Variants in POLR1E observed in about 807,000 individuals in gnomAD.
The protein encoded by POLR1E is DNA-directed RNA polymerase I subunit RPA49.
In POLR1E, 37 loss-of-function variants were observed where a neutral mutation model predicts 50.9. The observed-to-expected ratio is 0.73, with a 90% CI of 0.56 to 0.96. POLR1E has a LOEUF of 0.96. Ranked by LOEUF, POLR1E falls within the 40% of genes least tolerant of loss-of-function variation. POLR1E has a pLI of 0.00. For synonymous variants in POLR1E, 166 were observed against 191.6 expected (o/e 0.87, Z 1.10); for missense variants, 426 against 518.1 (o/e 0.82, Z 1.73).
intron 8 of POLR1E, among the ~76,000 whole-genome samples, chr9:37,497,391 C>G (rs1205037868): frequency 1.3e-5 from 2 of 152,050 alleles, no homozygotes; most frequent in Non-Finnish European, 2.9e-5. Context: ...AGAAACTTGC[C>G]TAAACCATTA....
chr9:37,501,656 G>C (rs1820889742), intron 10 of POLR1E, 57 bp from the exon 11 acceptor site: 1 of 1,574,264 alleles, frequency 6.4e-7, no homozygotes. Flanking sequence ...TTTTGCTTTT[G>C]GAGAAATTGT....
At chr9:37,494,474 A>G (rs148343487) in intron 6 of POLR1E, among the ~76,000 whole-genome samples, 11 of 152,314 alleles carry the variant, frequency 7.2e-5, no homozygotes, top group Non-Finnish European at 1.2e-4. Flanking sequence ...GTCTTGCTCT[A>G]TCACCCAGAC....
rs116315147 is a variant in POLR1E at position 37,490,556 on chromosome 9, C to G, written c.343+1156C>G. On this transcript the variant is annotated intron_variant, in intron 4 of 11. Coordinates refer to ENST00000377798, the MANE Select transcript of POLR1E (RefSeq NM_022490.4). The stretch of plus-strand genomic sequence containing the variant: ...AGGTACCTTTCTCTTTTGCTTCTGT[C>G]TTTTTCTAATCATCTTTCTTCACCC... 1.4e-3 allele frequency: 1,026 copies of G among 733,584 alleles called. 9 individuals carry two copies. In the African/African-American group the frequency reaches 0.016, roughly 11 times the overall value. 45.4% of individuals were successfully genotyped at this position (733,584 alleles called of 1,614,324 possible).
At chr9:37,489,023 G>A (rs777082659) in intron 3 of POLR1E, among the ~76,000 whole-genome samples, 2 of 152,136 alleles carry the variant, frequency 1.3e-5, no homozygotes, top group Non-Finnish European at 2.9e-5. Flanking sequence ...CAGATCACCT[G>A]AGGTCAGGAG....
chr9:37,493,449 G>A, intron 5 of POLR1E, 110 bp from the exon 6 acceptor site: 1 of 956,500 alleles, frequency 1.0e-6, no homozygotes, highest in Non-Finnish European at 1.5e-6. Context: ...TTATTCACAG[G>A]TGAGGTAGTG....
intron 10 of POLR1E, 65 bp downstream of exon 10, chr9:37,500,986 A>G: frequency 7.0e-7 from 1 of 1,428,736 alleles, no homozygotes; most frequent in Non-Finnish European, 9.8e-7. Context: ...GGGAGTGAGG[A>G]GCAGGGGCTT....
At chr9:37,486,147 G>T (rs1458118204) in intron 1 of POLR1E, 24 bp downstream of exon 1, 1 of 1,575,146 alleles carries the variant, frequency 6.3e-7, no homozygotes. Context: ...AGCTGGAGCA[G>T]TGCTCCTCTA....
chr9:37,501,612 T>G lies in POLR1E; in HGVS notation c.969-101T>G, dbSNP rs918924129. ...TCCTTTCCTGAAGTTGGGAAGACAT[T>G]CCGTGCATATGAGAATAGGATTGGA... On this transcript the variant is annotated intron_variant, in intron 10 of 11. Coordinates refer to ENST00000377798, the MANE Select transcript of POLR1E (RefSeq NM_022490.4). 2.9e-6 allele frequency: 4 copies of G among 1,394,488 alleles called. No individual in the cohort carries two copies. The African/African-American group carries it at 5.8e-5, about 20-fold the overall frequency. The allele number at this position is 1,394,488 out of a possible 1,614,324, so 86.4% of individuals were successfully genotyped here.
chr9:37,487,335 AGAATGCCTTCCTTGGT>A (rs1820594760), intron 2 of POLR1E, among the ~76,000 whole-genome samples: 2 of 152,236 alleles, frequency 1.3e-5, no homozygotes, highest in Admixed American at 1.3e-4. Flanking sequence ...GGTCTCTGCC[AGAATGCCTTCCTTGGT>A]GAGGTCATGT....
intron 4 of POLR1E, chr9:37,490,580 C>A (rs7045332): frequency 2.1e-5 from 15 of 710,138 alleles, no homozygotes; most frequent in South Asian, 2.0e-4. Flanking sequence ...CTTTCTTCAC[C>A]CGTTTCATGA....
Position 37,500,867 on chromosome 9 carries a change from T to A in POLR1E, c.914T>A (p.Ile305Asn). The change falls in exon 10 of 12, where the codon ATC becomes AAC. Residue 305 changes from isoleucine (I) to asparagine (N), a missense_variant. By Grantham distance (149) the Ile-to-Asn change is moderately radical. Transcript: ENST00000377798. ...GCTCTGGGACCTGGAGTTCCCCACATCATCAACACCAAACTGCTGAAGCAC... is the reference window on the plus strand; with the variant it reads ...GCTCTGGGACCTGGAGTTCCCCACAACATCAACACCAAACTGCTGAAGCAC... The part of the protein sequence containing the change: ...KSALGPGVPH[I>N]INTKLLKHFT... 1 of 1,613,966 alleles carries A rather than the reference T, an allele frequency of 6.2e-7. No individual in the cohort carries two copies. The highest frequency in any genetic ancestry group is 8.5e-7 in the Non-Finnish European group (1 of 1,179,852).
At chr9:37,487,973 A>G in intron 3 of POLR1E, 34 bp downstream of exon 3, 1 of 1,606,738 alleles carries the variant, frequency 6.2e-7, no homozygotes, top group Non-Finnish European at 8.5e-7. Context: ...GGGAAGGGTG[A>G]TGGGGTTGGG....
intron 4 of POLR1E, among the ~76,000 whole-genome samples, chr9:37,491,783 A>G (rs1403668866): frequency 1.3e-5 from 2 of 152,190 alleles, no homozygotes; most frequent in Non-Finnish European, 2.9e-5. Flanking sequence ...ACGTAATTTT[A>G]AAGGTCTCTT....
chr9:37,498,270 AT>A, intron 9 of POLR1E, 46 bp downstream of exon 9: 5 of 1,567,098 alleles, frequency 3.2e-6, no homozygotes, highest in Non-Finnish European at 4.4e-6. Flanking sequence ...CCAGTATATT[AT>A]TTGTCTGTAA....
rs1820931055 is a variant in POLR1E at position 37,503,434 on chromosome 9, C to T, written c.*232C>T. On this transcript the variant is annotated 3_prime_UTR_variant, in exon 12 of 12. Transcript: ENST00000377798. ...TCTACCGGAGGAAAAAAAAAAGAGT[C>T]AGGCCTGGTGGTGTGCGCCTGTAAT... 2.6e-6 allele frequency: 1 copy of T among 383,266 alleles called. No individual in the cohort carries two copies. The highest frequency in any genetic ancestry group is 4.6e-5 in the East Asian group (1 of 21,828). The allele number at this position is 383,266 out of a possible 1,614,324, so 23.7% of individuals were successfully genotyped here.
In POLR1E at chr9:37,496,146, G is replaced by A. The variant is rs116286633; in HGVS notation, c.752+160G>A. Among the ~76,000 whole-genome samples, 872 of 152,298 alleles carry A rather than the reference G, an allele frequency of 5.7e-3. 11 individuals carry two copies. Among genetic ancestry groups the A allele is most frequent in the African/African-American group, 0.02 (845 of 41,566 alleles). On this transcript the variant is annotated intron_variant, in intron 8 of 11. Coordinates refer to ENST00000377798, the MANE Select transcript of POLR1E (RefSeq NM_022490.4). ...TTTTCTTGAATGTTTGGGCTTTCAG[G>A]AGCTGTGGGTCACATTCGAGGGAGA...
chr9:37,503,125 A>T lies in POLR1E; in HGVS notation c.1183A>T (p.Lys395Ter), dbSNP rs1820919635. Reference protein sequence around the residue: ...SVAAGSEEDHKLGTLSLPLPP... With the variant: ...SVAAGSEEDH ...GGCCGCCGGCAGTGAAGAAGATCAC[A>T]AGCTGGGCACCCTGTCCCTCCCGCT... Residue 395 changes from lysine (K) to a stop codon, truncating the protein, a stop_gained, in exon 12 of 12, where the codon AAG becomes TAG. Transcript: ENST00000377798. LOFTEE classifies it high-confidence loss of function. 6.2e-7 allele frequency: 1 copy of T among 1,613,914 alleles called. No homozygotes were observed. Among genetic ancestry groups the T allele is most frequent in the South Asian group, 1.1e-5 (1 of 91,074 alleles).
At position 37,498,161 on chromosome 9, in the gene POLR1E, C is replaced by T. The variant is rs765228263; in HGVS notation, c.823C>T (p.Arg275Ter). 20 of 1,613,782 alleles carry T rather than the reference C, an allele frequency of 1.2e-5. No individual in the cohort carries two copies. The highest frequency in any genetic ancestry group is 2.7e-5 in the African/African-American group (2 of 74,878). The change falls in exon 9 of 12, where the codon CGA becomes TGA. Residue 275 changes from arginine (R) to a stop codon, truncating the protein, a stop_gained. Transcript: ENST00000377798. LOFTEE classifies it high-confidence loss of function. ...SDVESRDRQA[R>*]CIWFLDTLIK... is the part of the protein sequence containing the mutation. ...TGTGGAGAGCCGAGACCGCCAGGCC[C>T]GATGCATATGGTTTCTGGATACCCT... is the stretch of plus-strand genomic sequence containing the variant.
rs764022316 is a variant in POLR1E, at chr9:37,498,156, A to G, written c.818A>G (p.Gln273Arg). The change falls in exon 9 of 12, where the codon CAG becomes CGG. Residue 273 changes from glutamine to arginine, a missense_variant. By Grantham distance (43) the Gln-to-Arg change is conservative. Coordinates refer to ENST00000377798, the MANE Select transcript of POLR1E (RefSeq NM_022490.4). The part of the protein sequence containing the change: ...LPSDVESRDR[Q>R]ARCIWFLDTL... ...TCAGATGTGGAGAGCCGAGACCGCC[A>G]GGCCCGATGCATATGGTTTCTGGAT... 6.2e-7 allele frequency: 1 copy of G among 1,614,076 alleles called. No individual in the cohort carries two copies.
Sources: gnomAD v4.1 joint callset for allele counts (sites outside exome capture counted in the v4.1 genomes callset) on GRCh38, gnomAD v4.1.1 for gene constraint, MANE v1.5 for transcripts, NCBI Gene and HGNC (gene_info 2026-07-23, HGNC 2026-07-21) for gene names.